BTBD9: variants seen among roughly 807,000 people sequenced by gnomAD.
BTBD9 encodes BTB domain containing 9, also known as BTB/POZ domain-containing protein 9.
A neutral mutation model predicts 64.3 loss-of-function variants in BTBD9; 49 were observed. The observed-to-expected ratio is 0.76, with a 90% CI of 0.61 to 0.97. The LOEUF (loss-of-function observed/expected upper bound fraction) is 0.97. Ranked by LOEUF, BTBD9 falls within the 50% of genes least tolerant of loss-of-function variation. The pLI is 0.00. For synonymous variants in BTBD9, 260 were observed against 274.7 expected (o/e 0.95, Z 0.53); for missense variants, 598 against 762.1 (o/e 0.78, Z 2.53).
chr6:38,386,630 C>CTTTTTTTT (rs11423572), intron 6 of BTBD9, among the ~76,000 whole-genome samples: 2 of 92,776 alleles, frequency 2.2e-5, no homozygotes, highest in Non-Finnish European at 4.0e-5. Flanking sequence ...CCAGTTTACT[C>CTTTTTTTT]TTTTTTTTTT....
At chr6:38,486,361 A>G (rs1771422153) in intron 6 of BTBD9, among the ~76,000 whole-genome samples, 1 of 152,238 alleles carries the variant, frequency 6.6e-6, no homozygotes, top group Admixed American at 6.5e-5. Flanking sequence ...CTGTCTTAAG[A>G]GGCTTAGCTT....
At chr6:38,302,328 A>G (rs1474570204) in intron 7 of BTBD9, among the ~76,000 whole-genome samples, 1 of 151,726 alleles carries the variant, frequency 6.6e-6, no homozygotes, top group Non-Finnish European at 1.5e-5. Context: ...TAGCTATGAG[A>G]TCAACTTTAC....
chr6:38,251,093 A>AATAATAAT (rs199810466), intron 9 of BTBD9, among the ~76,000 whole-genome samples: 1 of 149,168 alleles, frequency 6.7e-6, no homozygotes, highest in Admixed American at 6.7e-5. Context: ...GAAAAAAAAA[A>AATAATAAT]AATAATAATA....
chr6:38,592,848 G>C lies in BTBD9; in HGVS notation c.550-8C>G. On this transcript the variant is annotated splice_region_variant and splice_polypyrimidine_tract_variant and intron_variant, in intron 3 of 10. Coordinates refer to ENST00000481247, the MANE Select transcript of BTBD9 (RefSeq NM_001099272.2). ...GATGTTTAAAAGTGCTGTCTGAAAA[G>C]GATAAAAAGGTAAAATTCCAGTTAT... 1.2e-6 allele frequency: 2 copies of C among 1,612,342 alleles called. No homozygotes were observed. Among genetic ancestry groups the C allele is most frequent in the Non-Finnish European group, 8.5e-7 (1 of 1,178,784 alleles).
chr6:38,626,200 A>T (rs1489302366), intron 1 of BTBD9, among the ~76,000 whole-genome samples: 7 of 152,228 alleles, frequency 4.6e-5, no homozygotes, highest in African/African-American at 1.7e-4. Context: ...AGGTATATAC[A>T]TTTATGGGGT....
At chr6:38,592,049 GGC>G (rs1254483580) in intron 4 of BTBD9, among the ~76,000 whole-genome samples, 1 of 152,036 alleles carries the variant, frequency 6.6e-6, no homozygotes, top group Admixed American at 6.6e-5. Context: ...CGAGTGTGGT[GGC>G]GGGTGGCTGT....
At chr6:38,288,592 T>G (rs1388946710) in intron 7 of BTBD9, 131 bp from the exon 8 acceptor site, 3 of 729,356 alleles carry the variant, frequency 4.1e-6, no homozygotes, top group Non-Finnish European at 4.4e-6. Flanking sequence ...ACATCTGGAT[T>G]ATCTTCAGAT....
intron 9 of BTBD9, among the ~76,000 whole-genome samples, chr6:38,224,616 A>T (rs1167992764): frequency 6.6e-6 from 1 of 152,248 alleles, no homozygotes; most frequent in Middle Eastern, 3.2e-3. Context: ...ACACATGAAG[A>T]GTAAAAAATA....
intron 6 of BTBD9, among the ~76,000 whole-genome samples, chr6:38,375,532 T>A (rs1765646359): frequency 6.6e-6 from 1 of 152,184 alleles, no homozygotes; most frequent in Non-Finnish European, 1.5e-5. Flanking sequence ...TCTGGGAACA[T>A]CTTCCACATT....
rs1554143530 is a variant in BTBD9, at chr6:38,374,288, T to TATATATACAC, written c.1155-29196_1155-29195insGTGTATATAT. 1.7e-4 allele frequency among the ~76,000 whole-genome samples: 12 copies of TATATATACAC among 69,312 alleles called. 2 individuals are homozygous for TATATATACAC. The highest frequency in any genetic ancestry group is 1.4e-3 in the African/African-American group (12 of 8,410). The allele number at this position is 69,312 out of a possible 152,430, so 45.5% of individuals were successfully genotyped here. A position where few individuals can be genotyped will look rare whatever the true frequency, so the allele number is the denominator to read the frequency against. On this transcript the variant is annotated intron_variant, in intron 6 of 10. Coordinates refer to ENST00000481247, the MANE Select transcript of BTBD9 (RefSeq NM_001099272.2). ...TGTGTCGAAAAAAAAAAAAAGTATA[T>TATATATACAC]ATATATATGTATATATATGTATATA...
At chr6:38,606,532 A>G (rs1288669489) in intron 1 of BTBD9, among the ~76,000 whole-genome samples, 1 of 152,214 alleles carries the variant, frequency 6.6e-6, no homozygotes, top group Non-Finnish European at 1.5e-5. Context: ...AACATACAAT[A>G]TAATTAACAA....
chr6:38,189,972 C>CA (rs1761985344), intron 10 of BTBD9, among the ~76,000 whole-genome samples: 2 of 110,890 alleles, frequency 1.8e-5, no homozygotes, highest in African/African-American at 7.0e-5. Context: ...CCAGGCCCAG[C>CA]CTTTTTTTTT....
At chr6:38,567,644 C>T (rs902812394) in intron 6 of BTBD9, among the ~76,000 whole-genome samples, 17 of 152,160 alleles carry the variant, frequency 1.1e-4, no homozygotes, top group African/African-American at 4.1e-4. Flanking sequence ...AGGCCTGGCA[C>T]TCTGCCCAGA....
At chr6:38,573,585 C>G (rs550702397) in intron 6 of BTBD9, among the ~76,000 whole-genome samples, 4 of 152,268 alleles carry the variant, frequency 2.6e-5, no homozygotes, top group South Asian at 4.2e-4. Context: ...CGGGCATAAC[C>G]TTGAGAACGT....
chr6:38,471,860 C>T (rs944435663), intron 6 of BTBD9, among the ~76,000 whole-genome samples: 9 of 152,098 alleles, frequency 5.9e-5, no homozygotes, highest in Non-Finnish European at 4.4e-5. Flanking sequence ...TATTTCTGGC[C>T]CATTTAATAA....
chr6:38,552,998 A>G (rs1333141626), intron 6 of BTBD9, among the ~76,000 whole-genome samples: 4 of 152,192 alleles, frequency 2.6e-5, no homozygotes, highest in African/African-American at 9.6e-5. Flanking sequence ...CCTTCTGTAC[A>G]CATTTTTTTC....
At chr6:38,372,379 T>C (rs1047006221) in intron 6 of BTBD9, among the ~76,000 whole-genome samples, 2 of 152,184 alleles carry the variant, frequency 1.3e-5, no homozygotes, top group Non-Finnish European at 2.9e-5. Flanking sequence ...CCTCAGGCTA[T>C]TTCTGCAGCT....
intron 6 of BTBD9, among the ~76,000 whole-genome samples, chr6:38,564,886 T>A (rs974411056): frequency 1.3e-5 from 2 of 151,858 alleles, no homozygotes; most frequent in East Asian, 3.9e-4. Context: ...AGCAAGACTC[T>A]GTCTCAAAAA....
intron 6 of BTBD9, among the ~76,000 whole-genome samples, chr6:38,563,094 C>A (rs1326387092): frequency 2.0e-5 from 3 of 152,158 alleles, no homozygotes; most frequent in African/African-American, 2.4e-5. Context: ...CTATTCTTTC[C>A]CCATTTCATT....
Sources: gnomAD v4.1 joint callset for allele counts (sites outside exome capture counted in the v4.1 genomes callset) on GRCh38, gnomAD v4.1.1 for gene constraint, MANE v1.5 for transcripts, NCBI Gene and HGNC (gene_info 2026-07-23, HGNC 2026-07-21) for gene names.